The following GPC6 variants were observed in gnomAD, a reference collection of about 807,000 sequenced individuals.
The protein encoded by GPC6 is glypican-6.
GPC6 carries 14 observed loss-of-function variants against 55.2 expected under a neutral mutation model. The ratio of observed to expected loss-of-function variants is 0.25; its 90% CI spans 0.17 to 0.40. The LOEUF is 0.40. GPC6 is among the 10% of genes least tolerant of loss of function. The probability of loss-of-function intolerance (pLI) is 1.00; values close to 1 mark genes in which losing one functional copy is unlikely to be tolerated. For missense variants in GPC6, 641 were observed against 708.5 expected, an observed-to-expected ratio of 0.90 and a Z score of 1.08; for synonymous variants, 278 against 259.6, an observed-to-expected ratio of 1.07 and a Z score of -0.68.
At chr13:93,275,301 C>T (rs779487358) in intron 1 of GPC6, among the ~76,000 whole-genome samples, 3 of 152,112 alleles carry the variant, frequency 2.0e-5, no homozygotes, top group Non-Finnish European at 4.4e-5. Flanking sequence ...GATCCTAGTA[C>T]GTGCACATGT....
chr13:93,353,633 A>C (rs1880712293), intron 1 of GPC6, among the ~76,000 whole-genome samples: 1 of 152,182 alleles, frequency 6.6e-6, no homozygotes, highest in Non-Finnish European at 1.5e-5. Context: ...ATTACTTGGC[A>C]TTTTTTGGAC....
chr13:93,563,531 A>G (rs904337510), intron 2 of GPC6, among the ~76,000 whole-genome samples: 3 of 152,172 alleles, frequency 2.0e-5, no homozygotes, highest in African/African-American at 7.2e-5. Flanking sequence ...CCAGTTTAAC[A>G]GGAAATCAGA....
At chr13:93,540,631 G>C (rs1047356080) in intron 1 of GPC6, among the ~76,000 whole-genome samples, 1 of 152,108 alleles carries the variant, frequency 6.6e-6, no homozygotes, top group Non-Finnish European at 1.5e-5. Flanking sequence ...TTAGTGATCA[G>C]ATAGGGGGAT....
intron 3 of GPC6, among the ~76,000 whole-genome samples, chr13:93,877,612 T>A (rs995658167): frequency 9.9e-5 from 15 of 152,036 alleles, no homozygotes; most frequent in African/African-American, 9.7e-5. Context: ...TAAGTCTATG[T>A]TAAGGAATCC....
chr13:94,147,967 G>A (rs1278148175), intron 4 of GPC6, among the ~76,000 whole-genome samples: 1 of 152,158 alleles, frequency 6.6e-6, no homozygotes, highest in Non-Finnish European at 1.5e-5. Flanking sequence ...CTGTGGCAGG[G>A]ATTCTGCTGA....
intron 1 of GPC6, among the ~76,000 whole-genome samples, chr13:93,367,508 T>C (rs1346017221): frequency 2.0e-5 from 3 of 152,102 alleles, no homozygotes; most frequent in Non-Finnish European, 2.9e-5. Context: ...CTTTTCTTTT[T>C]CTAGGTTTTT....
chr13:94,159,049 ATC>A (rs1314985506), intron 4 of GPC6, among the ~76,000 whole-genome samples: 1 of 152,068 alleles, frequency 6.6e-6, no homozygotes, highest in East Asian at 1.9e-4. Context: ...TGTATAATAT[ATC>A]TTGGGAGACA....
At chr13:93,542,343 G>T (rs1594250222) in intron 1 of GPC6, among the ~76,000 whole-genome samples, 1 of 152,054 alleles carries the variant, frequency 6.6e-6, no homozygotes, top group South Asian at 2.1e-4. Flanking sequence ...TAGATATGCG[G>T]CATTATTTCT....
At chr13:94,128,403 T>C (rs915509955) in intron 4 of GPC6, among the ~76,000 whole-genome samples, 1 of 152,208 alleles carries the variant, frequency 6.6e-6, no homozygotes, top group Admixed American at 6.5e-5. Context: ...ATTGTGATAA[T>C]AGACAACTTC....
At chr13:93,832,172 G>A (rs1272504140) in intron 3 of GPC6, among the ~76,000 whole-genome samples, 1 of 105,656 alleles carries the variant, frequency 9.5e-6, no homozygotes, top group Non-Finnish European at 1.7e-5. Flanking sequence ...TCTCAACAAT[G>A]TTTTAGATAC....
At chr13:94,178,279 G>T (rs1483518779) in intron 4 of GPC6, among the ~76,000 whole-genome samples, 1 of 152,100 alleles carries the variant, frequency 6.6e-6, no homozygotes, top group Non-Finnish European at 1.5e-5. Flanking sequence ...TTACAGGCAT[G>T]AGCCATCGCA....
intron 1 of GPC6, among the ~76,000 whole-genome samples, chr13:93,462,454 C>T (rs528867998): frequency 6.6e-6 from 1 of 152,160 alleles, no homozygotes; most frequent in African/African-American, 2.4e-5. Flanking sequence ...TTACTTTCCT[C>T]CAATGTTACA....
Position 93,869,064 on chromosome 13 carries a change from C to G in GPC6, c.711+38519C>G, listed in dbSNP as rs552142191. ...ACAATTCAGCTCCTTTTAATATACC[C>G]GTGCTACTAAGTAATGTAGCAAAAT... On this transcript the variant is annotated intron_variant, in intron 3 of 8. Transcript: ENST00000377047. Among the ~76,000 whole-genome samples, 5 of 151,898 alleles carry G rather than the reference C, an allele frequency of 3.3e-5. No individual in the cohort carries two copies. The South Asian group carries it at 1.0e-3, about 32-fold the overall frequency.
At chr13:93,389,511 A>G (rs1209096032) in intron 1 of GPC6, among the ~76,000 whole-genome samples, 1 of 151,698 alleles carries the variant, frequency 6.6e-6, no homozygotes, top group Non-Finnish European at 1.5e-5. Flanking sequence ...CTCAAAAAAA[A>G]AAAAAAAATT....
intron 1 of GPC6, among the ~76,000 whole-genome samples, chr13:93,327,821 C>T (rs1209790660): frequency 6.6e-6 from 1 of 151,746 alleles, no homozygotes; most frequent in African/African-American, 2.4e-5. Context: ...ATGCAAATGT[C>T]TAATAAAATG....
chr13:94,227,849 AAAC>A (rs1448240094), intron 4 of GPC6, among the ~76,000 whole-genome samples: 2 of 152,194 alleles, frequency 1.3e-5, no homozygotes, highest in Non-Finnish European at 2.9e-5. Context: ...GGTAGAAAGA[AAAC>A]AATGAAAGAG....
intron 4 of GPC6, among the ~76,000 whole-genome samples, chr13:94,249,158 T>C (rs1891279668): frequency 1.3e-5 from 2 of 152,120 alleles, no homozygotes; most frequent in Admixed American, 6.6e-5. Context: ...AGCAACTGTA[T>C]CCCAAAACCC....
chr13:94,027,793 G>T lies in GPC6; in HGVS notation c.776G>T (p.Gly259Val), dbSNP rs749973478. The change falls in exon 4 of 9, where the codon GGG (glycine) becomes GTG (valine). Residue 259 changes from glycine (G) to valine (V), a missense_variant. By Grantham distance (109) the Gly-to-Val change is moderately radical. Transcript: ENST00000377047. ...MKMLYCPYCR[G>V]LPTVRPCNNY... ...ATGCTGTACTGCCCATACTGTCGGGGGCTTCCCACTGTGAGGCCCTGCAAC... is the reference window on the plus strand; with the variant it reads ...ATGCTGTACTGCCCATACTGTCGGGTGCTTCCCACTGTGAGGCCCTGCAAC... The T allele has an allele frequency of 6.2e-7, 1 of 1,614,042 alleles. No homozygotes were observed. The highest frequency in any genetic ancestry group is 1.1e-5 in the South Asian group (1 of 91,066).
At chr13:93,676,106 TAAAAAAAA>T (rs760322815) in intron 2 of GPC6, among the ~76,000 whole-genome samples, 70 of 23,124 alleles carry the variant, frequency 3.0e-3, no homozygotes, top group African/African-American at 6.1e-3. Flanking sequence ...CTGTTTCTAC[TAAAAAAAA>T]AAAAAAAAAA....
Sources: gnomAD v4.1 joint callset for allele counts (sites outside exome capture counted in the v4.1 genomes callset) on GRCh38, gnomAD v4.1.1 for gene constraint, MANE v1.5 for transcripts, NCBI Gene and HGNC (gene_info 2026-07-23, HGNC 2026-07-21) for gene names.